Variants in SH3GL2 observed in about 807,000 individuals in gnomAD.
SH3GL2 encodes endophilin-A1.
In SH3GL2, 24 loss-of-function variants were observed where a neutral mutation model predicts 46.0. The ratio of observed to expected loss-of-function variants is 0.52; its 90% CI spans 0.38 to 0.73. SH3GL2 has a LOEUF of 0.73. Ranked by LOEUF, SH3GL2 falls within the 30% of genes least tolerant of loss-of-function variation. The probability of loss-of-function intolerance (pLI) is 0.00; values close to 1 mark genes in which losing one functional copy is unlikely to be tolerated. For synonymous variants in SH3GL2, 196 were observed against 147.1 expected (o/e 1.33, Z -2.40); for missense variants, 413 against 424.2 (o/e 0.97, Z 0.23).
At chr9:17,581,682 G>A (rs1192410929) in intron 1 of SH3GL2, among the ~76,000 whole-genome samples, 1 of 152,124 alleles carries the variant, frequency 6.6e-6, no homozygotes, top group African/African-American at 2.4e-5. Context: ...AATATAGCCT[G>A]GGTTTGTTTG....
chr9:17,588,448 T>G (rs1258145730), intron 1 of SH3GL2, among the ~76,000 whole-genome samples: 1 of 152,208 alleles, frequency 6.6e-6, no homozygotes, highest in African/African-American at 2.4e-5. Context: ...AGCAGGATAT[T>G]TTCTCTGGCT....
At chr9:17,719,553 A>C (rs975165245) in intron 1 of SH3GL2, among the ~76,000 whole-genome samples, 1 of 152,268 alleles carries the variant, frequency 6.6e-6, no homozygotes, top group South Asian at 2.1e-4. Flanking sequence ...TGGGAGGCCA[A>C]CGTGGGAGGA....
intron 1 of SH3GL2, among the ~76,000 whole-genome samples, chr9:17,673,342 C>G (rs957772840): frequency 7.0e-6 from 1 of 143,002 alleles, no homozygotes; most frequent in Non-Finnish European, 1.5e-5. Flanking sequence ...TTTATAGAGG[C>G]GGGGTTTCAT....
At chr9:17,791,673 C>T (rs1443853567) in intron 7 of SH3GL2, among the ~76,000 whole-genome samples, 1 of 152,174 alleles carries the variant, frequency 6.6e-6, no homozygotes, top group African/African-American at 2.4e-5. Context: ...AATCTTATAA[C>T]AGCCCTGTAA....
chr9:17,785,393 C>T (rs539269106), intron 3 of SH3GL2, among the ~76,000 whole-genome samples: 1 of 152,302 alleles, frequency 6.6e-6, no homozygotes, highest in South Asian at 2.1e-4. Flanking sequence ...ATGTGCTCTC[C>T]TGATAACTTT....
intron 1 of SH3GL2, among the ~76,000 whole-genome samples, chr9:17,743,447 C>G (rs955479167): frequency 2.0e-5 from 3 of 152,080 alleles, no homozygotes; most frequent in East Asian, 3.9e-4. Flanking sequence ...TGAACTGTCT[C>G]TCTCAGCAGC....
chr9:17,698,412 G>C (rs76230454), intron 1 of SH3GL2, among the ~76,000 whole-genome samples: 4,637 of 152,274 alleles, frequency 0.03, 227 homozygotes, highest in African/African-American at 0.11. Context: ...CTGATGGATG[G>C]ATATCTCGGT....
At chr9:17,680,954 T>G (rs1201307532) in intron 1 of SH3GL2, among the ~76,000 whole-genome samples, 1 of 152,204 alleles carries the variant, frequency 6.6e-6, no homozygotes, top group Non-Finnish European at 1.5e-5. Flanking sequence ...GTGAGTTTCT[T>G]AATCCTGAGT....
chr9:17,606,033 C>G (rs1374970167), intron 1 of SH3GL2, among the ~76,000 whole-genome samples: 2 of 152,024 alleles, frequency 1.3e-5, no homozygotes, highest in African/African-American at 4.8e-5. Context: ...TTCAAGTAGT[C>G]TCATTCTACC....
chr9:17,612,763 G>A (rs536770835), intron 1 of SH3GL2, among the ~76,000 whole-genome samples: 8 of 152,164 alleles, frequency 5.3e-5, no homozygotes, highest in African/African-American at 1.4e-4. Context: ...ACCCATAACC[G>A]CAATCAATTT....
chr9:17,760,718 G>T (rs1027243102), intron 2 of SH3GL2, among the ~76,000 whole-genome samples: 1 of 152,082 alleles, frequency 6.6e-6, no homozygotes, highest in East Asian at 1.9e-4. Context: ...ACCATGTAGG[G>T]CGAATAGGAG....
chr9:17,788,895 A>G (rs1824039266), intron 5 of SH3GL2, among the ~76,000 whole-genome samples: 2 of 144,226 alleles, frequency 1.4e-5, no homozygotes, highest in African/African-American at 2.4e-5. Context: ...TATTGTGATG[A>G]GCAACTTACG....
chr9:17,796,263 G>A lies in SH3GL2; in HGVS notation c.*520G>A, dbSNP rs1426566639. 2 of 153,278 alleles carry A rather than the reference G, an allele frequency of 1.3e-5. No individual in the cohort carries two copies. Among genetic ancestry groups the A allele is most frequent in the South Asian group, 4.1e-4 (2 of 4,854 alleles). 9.5% of individuals were successfully genotyped at this position (153,278 alleles called of 1,614,324 possible). ...GAATTTGTCTCTTAATGCATCCATA[G>A]AAAAGTGTTAATTGTGGGTTCAAAG... On this transcript the variant is annotated 3_prime_UTR_variant, in exon 9 of 9. Transcript: ENST00000380607.
chr9:17,700,897 G>A (rs112639080), intron 1 of SH3GL2, among the ~76,000 whole-genome samples: 2 of 152,148 alleles, frequency 1.3e-5, no homozygotes, highest in East Asian at 3.9e-4. Context: ...AACCTAAATA[G>A]AACCATATCA....
intron 1 of SH3GL2, among the ~76,000 whole-genome samples, chr9:17,702,465 T>C (rs1821362975): frequency 6.6e-6 from 1 of 151,694 alleles, no homozygotes; most frequent in Admixed American, 6.6e-5. Context: ...ACCCATGAGC[T>C]GGGTCACGAA....
At chr9:17,723,240 C>G (rs950520598) in intron 1 of SH3GL2, among the ~76,000 whole-genome samples, 1 of 151,950 alleles carries the variant, frequency 6.6e-6, no homozygotes, top group African/African-American at 2.4e-5. Context: ...GTGCATGGAG[C>G]CTTCTAAAAT....
intron 1 of SH3GL2, among the ~76,000 whole-genome samples, chr9:17,679,127 T>C (rs1820694881): frequency 1.3e-5 from 2 of 152,138 alleles, no homozygotes; most frequent in Admixed American, 1.3e-4. Flanking sequence ...TCTTTTTTGG[T>C]TCCATATGAA....
At chr9:17,693,436 CTG>C (rs2118147135) in intron 1 of SH3GL2, among the ~76,000 whole-genome samples, 1 of 152,248 alleles carries the variant, frequency 6.6e-6, no homozygotes, top group East Asian at 1.9e-4. Flanking sequence ...GCCATTACTT[CTG>C]TGTAAAATAG....
At chr9:17,629,747 T>G (rs879074095) in intron 1 of SH3GL2, among the ~76,000 whole-genome samples, 3 of 152,334 alleles carry the variant, frequency 2.0e-5, no homozygotes, top group Admixed American at 2.0e-4. Context: ...TTATCCAGGT[T>G]TCACTTTTCA....
Sources: allele counts gnomAD v4.1 joint callset (sites outside exome capture counted in the v4.1 genomes callset), GRCh38; gene constraint gnomAD v4.1.1; transcripts MANE v1.5; gene names NCBI Gene and HGNC (gene_info 2026-07-23, HGNC 2026-07-21).